Variants in CNKSR3 observed in about 807,000 individuals in gnomAD.
CNKSR3 encodes the protein connector enhancer of kinase suppressor of ras 3.
CNKSR3 carries 36 observed loss-of-function variants against 67.7 expected under a neutral mutation model. That is an observed-to-expected ratio of 0.53 (90% CI 0.41 to 0.70). The LOEUF is 0.70. CNKSR3 is among the 30% of genes least tolerant of loss of function. The pLI, the probability that CNKSR3 is intolerant of heterozygous loss-of-function variation, is 0.00. For synonymous variants in CNKSR3, 281 were observed against 271.4 expected (o/e 1.04, Z -0.35); for missense variants, 630 against 695.2 (o/e 0.91, Z 1.05).
intron 7 of CNKSR3, among the ~76,000 whole-genome samples, chr6:154,426,197 C>T (rs1190273766): frequency 6.6e-6 from 1 of 152,148 alleles, no homozygotes; most frequent in Non-Finnish European, 1.5e-5. Context: ...AGACGACTTC[C>T]ATACAGTCCT....
chr6:154,421,882 G>A (rs373206850), intron 9 of CNKSR3, among the ~76,000 whole-genome samples: 12 of 151,968 alleles, frequency 7.9e-5, no homozygotes, highest in South Asian at 4.2e-4. Context: ...GAAAATGTCC[G>A]TATCCACACT....
At chr6:154,453,271 C>G (rs1478063803) in intron 1 of CNKSR3, among the ~76,000 whole-genome samples, 3 of 152,034 alleles carry the variant, frequency 2.0e-5, no homozygotes, top group Non-Finnish European at 4.4e-5. Flanking sequence ...GAAAAATTCA[C>G]AGAAGGAGTA....
intron 1 of CNKSR3, among the ~76,000 whole-genome samples, chr6:154,466,564 G>A (rs535569998): frequency 4.6e-5 from 7 of 152,230 alleles, no homozygotes; most frequent in African/African-American, 1.4e-4. Flanking sequence ...GATGTGGGGA[G>A]GGGAAGGATG....
At chr6:154,476,039 G>A (rs528659155) in intron 1 of CNKSR3, among the ~76,000 whole-genome samples, 104 of 150,874 alleles carry the variant, frequency 6.9e-4, no homozygotes, top group African/African-American at 2.3e-3. Context: ...TTTTTTTTTC[G>A]GATATGGATG....
chr6:154,427,354 C>T (rs1216589428), intron 7 of CNKSR3, among the ~76,000 whole-genome samples: 1 of 152,162 alleles, frequency 6.6e-6, no homozygotes, highest in Non-Finnish European at 1.5e-5. Context: ...GAATTATCTC[C>T]TCCTGTCTTA....
intron 1 of CNKSR3, among the ~76,000 whole-genome samples, chr6:154,463,649 C>T (rs1288611519): frequency 6.6e-6 from 1 of 152,152 alleles, no homozygotes; most frequent in Non-Finnish European, 1.5e-5. Context: ...ACTCTAGGGG[C>T]CAAGACAACA....
At position 154,388,409 on chromosome 6, in the gene CNKSR3, TC is replaced by T. The variant is rs1203776229; in HGVS notation, c.*17944del. Reference sequence around the variant, plus strand: ...TATATACATTTTCTTTATTCATTTCTCCGCCGATGGACGCTTAGATTGTTTG... The same window carrying T: ...TATATACATTTTCTTTATTCATTTCTCGCCGATGGACGCTTAGATTGTTTG... On this transcript the variant is annotated 3_prime_UTR_variant, in exon 13 of 13. Coordinates refer to ENST00000607772, the MANE Select transcript of CNKSR3 (RefSeq NM_173515.4). 6 of 152,376 alleles carry T rather than the reference TC, an allele frequency of 3.9e-5. No homozygotes were observed. Among genetic ancestry groups the T allele is most frequent in the Admixed American group, 2.0e-4 (3 of 15,300 alleles). 9.4% of individuals were successfully genotyped at this position (152,376 alleles called of 1,614,324 possible).
chr6:154,503,171 C>T (rs911112445), intron 1 of CNKSR3, among the ~76,000 whole-genome samples: 5 of 152,130 alleles, frequency 3.3e-5, no homozygotes, highest in African/African-American at 7.2e-5. Context: ...TGGTAAACCC[C>T]GTGTGGTCAC....
Position 154,450,125 on chromosome 6 carries a change from C to T in CNKSR3, c.186G>A (p.Val62=). The T allele has an allele frequency of 1.9e-6, 3 of 1,614,186 alleles. No homozygotes were observed. Among genetic ancestry groups the T allele is most frequent in the African/African-American group, 2.7e-5 (2 of 75,040 alleles). ...GVTRIGHQEL[V]LEAVDLLCAL... ...CACAGAGAAGGTCCACAGCCTCCAA[C>T]ACAAGCTCCTGGTGTCCAATCCGTG... is the stretch of plus-strand genomic sequence containing the variant. The change falls in exon 2 of 13, where the codon GTG becomes GTA. Residue 62 remains valine, a synonymous_variant. Transcript: ENST00000607772.
chr6:154,429,103 A>G (rs969141318), intron 6 of CNKSR3, among the ~76,000 whole-genome samples: 1 of 152,204 alleles, frequency 6.6e-6, no homozygotes, highest in African/African-American at 2.4e-5. Context: ...CGAATGTATC[A>G]TTGAGGAACT....
At chr6:154,414,538 A>C (rs1784979250) in intron 9 of CNKSR3, 115 bp from the exon 10 acceptor site, 1 of 1,077,230 alleles carries the variant, frequency 9.3e-7, no homozygotes, top group African/African-American at 1.6e-5. Flanking sequence ...ACAGGGACTG[A>C]GGTCATTCAT....
chr6:154,417,574 T>C lies in CNKSR3; in HGVS notation c.946-3151A>G, dbSNP rs576911506. 7.2e-5 allele frequency among the ~76,000 whole-genome samples: 11 copies of C among 152,248 alleles called. No individual in the cohort carries two copies. The South Asian group carries it at 2.3e-3, about 32-fold the overall frequency. ...TTATTATGGGCTGAACTGTGTCCCC[T>C]AAAATTCCTGTGTTCAAATTCTCAC... On this transcript the variant is annotated intron_variant, in intron 9 of 12. Coordinates refer to ENST00000607772, the MANE Select transcript of CNKSR3 (RefSeq NM_173515.4).
chr6:154,500,784 A>G (rs1786980477), intron 1 of CNKSR3, among the ~76,000 whole-genome samples: 1 of 152,234 alleles, frequency 6.6e-6, no homozygotes, highest in Non-Finnish European at 1.5e-5. Flanking sequence ...AAAGCTTTCT[A>G]ATTTCTACAT....
At chr6:154,482,119 T>A (rs1371692876) in intron 1 of CNKSR3, among the ~76,000 whole-genome samples, 1 of 152,216 alleles carries the variant, frequency 6.6e-6, no homozygotes. Flanking sequence ...TTCTCTCAAA[T>A]AGGCTTTGTA....
intron 1 of CNKSR3, among the ~76,000 whole-genome samples, chr6:154,493,246 C>T (rs1786816810): frequency 2.0e-5 from 3 of 152,280 alleles, no homozygotes; most frequent in Admixed American, 6.5e-5. Flanking sequence ...TCTGTGAAAT[C>T]GTTCCCTGGT....
chr6:154,441,242 CAAAAAAAAAAAA>C (rs34887626), intron 4 of CNKSR3, 38 bp downstream of exon 4: 100 of 847,478 alleles, frequency 1.2e-4, no homozygotes, highest in Non-Finnish European at 1.6e-4. Context: ...AGAGGAAAAG[CAAAAAAAAAAAA>C]AAAAAAAAAA....
chr6:154,509,810 G>T (rs183134338), intron 1 of CNKSR3, among the ~76,000 whole-genome samples: 5 of 152,254 alleles, frequency 3.3e-5, no homozygotes, highest in Non-Finnish European at 7.4e-5. Flanking sequence ...GCCACAGAAA[G>T]GCCACCCCTA....
intron 1 of CNKSR3, among the ~76,000 whole-genome samples, chr6:154,487,509 C>T (rs1786699842): frequency 6.6e-6 from 1 of 152,148 alleles, no homozygotes; most frequent in Admixed American, 6.5e-5. Context: ...AGCTCCTGAA[C>T]AGCCCTGGTT....
At chr6:154,498,725 A>C (rs549712836) in intron 1 of CNKSR3, among the ~76,000 whole-genome samples, 3 of 152,038 alleles carry the variant, frequency 2.0e-5, no homozygotes, top group Admixed American at 6.6e-5. Flanking sequence ...TTTTGCCAAA[A>C]GTACAGGTTC....
Sources: allele counts gnomAD v4.1 joint callset (sites outside exome capture counted in the v4.1 genomes callset), GRCh38; gene constraint gnomAD v4.1.1; transcripts MANE v1.5; gene names NCBI Gene and HGNC (gene_info 2026-07-23, HGNC 2026-07-21).